The following SBF2 variants were observed in gnomAD, a reference collection of about 807,000 sequenced individuals.
SBF2 encodes the protein SET binding factor 2.
A neutral mutation model predicts 225.2 loss-of-function variants in SBF2; 112 were observed. The observed-to-expected ratio is 0.50, with a 90% CI of 0.43 to 0.58. The LOEUF is 0.58. Ranked by LOEUF, SBF2 falls within the 20% of genes least tolerant of loss-of-function variation. The pLI is 0.00. For missense variants in SBF2, 1,996 were observed against 2,206.2 expected, an observed-to-expected ratio of 0.90 and a Z score of 1.91; for synonymous variants, 763 against 773.3, an observed-to-expected ratio of 0.99 and a Z score of 0.22.
At chr11:9,846,882 C>T (rs1329711693) in intron 23 of SBF2, 74 bp downstream of exon 23, 8 of 1,536,976 alleles carry the variant, frequency 5.2e-6, no homozygotes, top group Non-Finnish European at 7.2e-6. Flanking sequence ...CACATGACCA[C>T]ACAAAATGGC....
chr11:10,183,489 T>G (rs1467346884), intron 2 of SBF2, among the ~76,000 whole-genome samples: 1 of 152,218 alleles, frequency 6.6e-6, no homozygotes, highest in East Asian at 1.9e-4. Context: ...CTAAAAAATC[T>G]TGGCTTAACT....
intron 28 of SBF2, 98 bp downstream of exon 28, chr11:9,829,258 G>T: frequency 1.5e-6 from 2 of 1,367,666 alleles, no homozygotes; most frequent in Non-Finnish European, 2.1e-6. Flanking sequence ...CTTGGTGAAG[G>T]AACAGTACAA....
chr11:10,027,231 A>ACAT (rs1949086519), intron 6 of SBF2, among the ~76,000 whole-genome samples: 1 of 152,074 alleles, frequency 6.6e-6, no homozygotes, highest in Non-Finnish European at 1.5e-5. Flanking sequence ...CCAAAGGGAG[A>ACAT]TATTATTTTA....
At chr11:10,293,991 G>T in intron 1 of SBF2, 24 bp downstream of exon 1, 1 of 1,332,010 alleles carries the variant, frequency 7.5e-7, no homozygotes. Flanking sequence ...GAGGCCCGGG[G>T]GCGGTGCCGC....
chr11:9,788,932 T>A (rs1308062512), intron 35 of SBF2, among the ~76,000 whole-genome samples, 177 bp downstream of exon 35: 2 of 152,108 alleles, frequency 1.3e-5, no homozygotes, highest in African/African-American at 4.8e-5. Flanking sequence ...GAGACTCTTT[T>A]CCAGTAGTGA....
chr11:9,852,034 C>A (rs1034978486), intron 21 of SBF2, among the ~76,000 whole-genome samples: 4 of 152,222 alleles, frequency 2.6e-5, no homozygotes, highest in African/African-American at 4.8e-5. Flanking sequence ...CTCGGACTGC[C>A]AAAGTGTTGG....
rs1479114231 is a variant in SBF2 at position 9,778,745 on chromosome 11, A to T, written c.*1673T>A. On this transcript the variant is annotated 3_prime_UTR_variant, in exon 40 of 40. Coordinates refer to ENST00000256190, the MANE Select transcript of SBF2 (RefSeq NM_030962.4). The stretch of plus-strand genomic sequence containing the variant: ...AGTGTTACCCTCCTGAATGCTGTGC[A>T]CTACAGAATGAACTTTAGTTCACAG... The T allele has an allele frequency of 6.6e-6, 1 of 152,656 alleles. No homozygotes were observed. Among genetic ancestry groups the T allele is most frequent in the East Asian group, 1.9e-4 (1 of 5,200 alleles). 9.5% of individuals were successfully genotyped at this position (152,656 alleles called of 1,614,324 possible). A position where few individuals can be genotyped will look rare whatever the true frequency, so the allele number is the denominator to read the frequency against.
At chr11:10,093,722 C>T (rs1011227747) in intron 2 of SBF2, among the ~76,000 whole-genome samples, 10 of 152,206 alleles carry the variant, frequency 6.6e-5, no homozygotes, top group Admixed American at 6.5e-4. Flanking sequence ...AAAGTACATT[C>T]TCTTTTGCTA....
chr11:10,293,841 A>C, intron 1 of SBF2, among the ~76,000 whole-genome samples, 174 bp downstream of exon 1: 1 of 148,228 alleles, frequency 6.7e-6, no homozygotes, highest in Non-Finnish European at 1.5e-5. Flanking sequence ...CGGCCCCCCC[A>C]CGCCCACCGC....
chr11:9,831,551 G>A (rs192711077), intron 27 of SBF2, among the ~76,000 whole-genome samples: 3 of 152,152 alleles, frequency 2.0e-5, no homozygotes, highest in African/African-American at 7.2e-5. Context: ...TCCCTAAATC[G>A]GATCTGATAT....
At position 10,204,940 on chromosome 11, in the gene SBF2, T is replaced by C. The variant is rs983857032; in HGVS notation, c.56-10953A>G. 4.0e-5 allele frequency among the ~76,000 whole-genome samples: 6 copies of C among 151,052 alleles called. No individual in the cohort carries two copies. The South Asian group carries it at 1.3e-3, about 32-fold the overall frequency. On this transcript the variant is annotated intron_variant, in intron 1 of 39. Transcript: ENST00000256190. ...TGGTGATGTCGCATGTTCCCACTTGTATGTGGAAGCTGAACAATGACAACA... is the reference window on the plus strand; with the variant it reads ...TGGTGATGTCGCATGTTCCCACTTGCATGTGGAAGCTGAACAATGACAACA...
intron 2 of SBF2, among the ~76,000 whole-genome samples, chr11:10,163,384 T>C (rs891362720): frequency 2.0e-5 from 3 of 152,132 alleles, no homozygotes; most frequent in African/African-American, 7.2e-5. Flanking sequence ...GGAAAGAAAA[T>C]GAAGTCTCCT....
chr11:9,785,778 G>A (rs1852332816), intron 36 of SBF2, among the ~76,000 whole-genome samples: 1 of 152,102 alleles, frequency 6.6e-6, no homozygotes. Context: ...CCAGAACCCT[G>A]GAGGTTGAGG....
At chr11:10,268,530 C>A (rs1442446871) in intron 1 of SBF2, among the ~76,000 whole-genome samples, 2 of 152,134 alleles carry the variant, frequency 1.3e-5, no homozygotes. Context: ...TGGAAAATAG[C>A]CCTTTCCAGA....
chr11:10,175,293 C>A (rs1283233269), intron 2 of SBF2, among the ~76,000 whole-genome samples: 8 of 150,450 alleles, frequency 5.3e-5, no homozygotes, highest in South Asian at 4.3e-4. Context: ...CACACATAGG[C>A]TCAAAATAAA....
intron 16 of SBF2, among the ~76,000 whole-genome samples, chr11:9,917,363 C>G (rs2134208776): frequency 6.6e-6 from 1 of 151,472 alleles, no homozygotes; most frequent in South Asian, 2.1e-4. Context: ...ACAGAATCTC[C>G]CTCTGTCACC....
chr11:10,094,549 G>A (rs1951936659), intron 2 of SBF2, among the ~76,000 whole-genome samples: 2 of 44,870 alleles, frequency 4.5e-5, no homozygotes, highest in South Asian at 6.4e-4. Context: ...TTTTTTTTGA[G>A]ACAGAGTTTC....
At chr11:10,017,310 A>G (rs1289375444) in intron 6 of SBF2, among the ~76,000 whole-genome samples, 1 of 152,246 alleles carries the variant, frequency 6.6e-6, no homozygotes, top group African/African-American at 2.4e-5. Context: ...ACTGAAGACC[A>G]TGTTTCAAAA....
chr11:10,270,427 T>C (rs970532788), intron 1 of SBF2, among the ~76,000 whole-genome samples: 2 of 152,124 alleles, frequency 1.3e-5, no homozygotes, highest in Admixed American at 1.3e-4. Flanking sequence ...GAAAACACAG[T>C]TACTATTAAG....
Sources: allele counts gnomAD v4.1 joint callset (sites outside exome capture counted in the v4.1 genomes callset), GRCh38; gene constraint gnomAD v4.1.1; transcripts MANE v1.5; gene names NCBI Gene and HGNC (gene_info 2026-07-23, HGNC 2026-07-21).